The following UBL7 variants were observed in gnomAD, a reference collection of about 807,000 sequenced individuals.
UBL7 encodes ubiquitin like 7.
Under a neutral mutation model 41.7 loss-of-function variants are expected in UBL7, and 21 were observed. That is an observed-to-expected ratio of 0.50 (90% CI 0.36 to 0.73). The LOEUF (loss-of-function observed/expected upper bound fraction) is 0.73, where lower values mean the gene tolerates loss of function less well. UBL7 is among the 30% of genes least tolerant of loss of function. The probability of loss-of-function intolerance (pLI) is 0.00; values close to 1 mark genes in which losing one functional copy is unlikely to be tolerated. For synonymous variants in UBL7, 157 were observed against 186.9 expected (o/e 0.84, Z 1.31); for missense variants, 403 against 478.4 (o/e 0.84, Z 1.47).
At chr15:74,454,242 A>T (rs2061274596) in intron 3 of UBL7, among the ~76,000 whole-genome samples, 1 of 152,246 alleles carries the variant, frequency 6.6e-6, no homozygotes, top group African/African-American at 2.4e-5. Flanking sequence ...CCTGGCTCAC[A>T]GAAGCCACAA....
At chr15:74,451,164 G>A (rs1024524130) in intron 5 of UBL7, among the ~76,000 whole-genome samples, 8 of 152,234 alleles carry the variant, frequency 5.3e-5, no homozygotes, top group African/African-American at 1.4e-4. Flanking sequence ...TGTGCAGGAC[G>A]CCTTCCCTGA....
At chr15:74,460,734 G>A (rs1040962350) in intron 1 of UBL7, 7 of 1,288,790 alleles carry the variant, frequency 5.4e-6, no homozygotes, top group Non-Finnish European at 6.1e-6. Flanking sequence ...TGCAAAGCAA[G>A]ATAAGTTCTT....
chr15:74,449,867 T>G, intron 7 of UBL7, 69 bp downstream of exon 7: 2 of 1,562,660 alleles, frequency 1.3e-6, no homozygotes, highest in Non-Finnish European at 1.7e-6. Flanking sequence ...ACATAGCTGC[T>G]GAGTAAAGCA....
chr15:74,453,633 G>A (rs568641010), intron 3 of UBL7, among the ~76,000 whole-genome samples: 2 of 152,362 alleles, frequency 1.3e-5, no homozygotes, highest in Admixed American at 1.3e-4. Flanking sequence ...TGTGGCTGGA[G>A]CTTGGGGTAC....
At chr15:74,453,046 C>T (rs1239155971) in intron 3 of UBL7, among the ~76,000 whole-genome samples, 4 of 152,150 alleles carry the variant, frequency 2.6e-5, no homozygotes, top group East Asian at 3.9e-4. Context: ...GTTATCCTCA[C>T]GAAGGACCAC....
Position 74,451,491 on chromosome 15 carries a change from A to G in UBL7, c.417T>C (p.Ser139=). 1 of 1,614,154 alleles carries G rather than the reference A, an allele frequency of 6.2e-7. No homozygotes were observed. The highest frequency in any genetic ancestry group is 8.5e-7 in the Non-Finnish European group (1 of 1,180,034). ...GGGTGGCCACAATGATCTGATCCAG[A>G]GACTCCTTATTGCTGAGCATCTTAA... The part of the protein sequence containing the change: ...AVFKMLSNKE[S]LDQIIVATPG... The change falls in exon 5 of 11, where the codon TCT becomes TCC. Residue 139 remains serine (S), a synonymous_variant. Coordinates refer to ENST00000395081, the MANE Select transcript of UBL7 (RefSeq NM_032907.5).
chr15:74,459,033 A>T, intron 1 of UBL7, 137 bp from the exon 2 acceptor site: 2 of 765,856 alleles, frequency 2.6e-6, no homozygotes, highest in South Asian at 3.6e-5. Flanking sequence ...AGGAGGCCAG[A>T]ACTAGAATCT....
At chr15:74,448,046 A>G (rs2141309578) in intron 10 of UBL7, among the ~76,000 whole-genome samples, 1 of 152,248 alleles carries the variant, frequency 6.6e-6, no homozygotes, top group African/African-American at 2.4e-5. Flanking sequence ...GTTTTGTCTG[A>G]CCTAGGCCCT....
chr15:74,446,297 T>C lies in UBL7; in HGVS notation c.1006-70A>G. 1 of 1,579,736 alleles carries C rather than the reference T, an allele frequency of 6.3e-7. No homozygotes were observed. Among genetic ancestry groups the C allele is most frequent in the Middle Eastern group, 1.7e-4 (1 of 5,914 alleles). The stretch of plus-strand genomic sequence containing the variant: ...GTGAAGACTCACTTAGGTCTGTGCT[T>C]TCCGGGGAAGGAAAGGAAGATGGGG... On this transcript the variant is annotated intron_variant, in intron 10 of 10. Transcript: ENST00000395081. The surrounding 1 kb of genome is among the most constrained non-coding windows in gnomAD (Gnocchi z 4.1).
rs1214398107 is a variant in UBL7, at chr15:74,448,485, C to G, written c.998G>C (p.Ser333Thr). The G allele has an allele frequency of 3.1e-6, 5 of 1,613,798 alleles. No homozygotes were observed. The highest frequency in any genetic ancestry group is 3.4e-6 in the Non-Finnish European group (4 of 1,179,850). Residue 333 changes from serine to threonine, a missense_variant, in exon 10 of 11, where the codon AGC becomes ACC. Coordinates refer to ENST00000395081, the MANE Select transcript of UBL7 (RefSeq NM_032907.5). ...QHALQASGQP[S>T]LQSQWQPQLQ... is the part of the protein sequence containing the mutation. Reference sequence around the variant, plus strand: ...GACGTGGGGAAGACTGACCTGAAGGCTGGGCTGCCCAGAGGCCTGAAGGGC... The same window carrying G: ...GACGTGGGGAAGACTGACCTGAAGGGTGGGCTGCCCAGAGGCCTGAAGGGC...
intron 5 of UBL7, 137 bp downstream of exon 5, chr15:74,451,299 A>C (rs1341083813): frequency 1.2e-5 from 9 of 772,786 alleles, no homozygotes; most frequent in Non-Finnish European, 1.9e-5. Flanking sequence ...TATCAAACAC[A>C]CCTTGATTAC....
chr15:74,457,736 C>T (rs1338384603), intron 2 of UBL7, among the ~76,000 whole-genome samples: 1 of 37,650 alleles, frequency 2.7e-5, no homozygotes, highest in African/African-American at 9.7e-5. Flanking sequence ...GACTCCGTCT[C>T]AAAAAAAAAA....
In UBL7 at chr15:74,456,554, G is replaced by A. The variant is rs775044142; in HGVS notation, c.302C>T (p.Pro101Leu). The A allele has an allele frequency of 5.4e-5, 87 of 1,613,720 alleles. No individual in the cohort carries two copies. In the East Asian group the frequency reaches 1.3e-3, roughly 25 times the overall value. The change falls in exon 3 of 11, where the codon CCG (proline) becomes CTG (leucine). Residue 101 changes from proline (P) to leucine (L), a missense_variant and splice_region_variant. By Grantham distance (98) the Pro-to-Leu change is moderately conservative (BLOSUM62 -3). Coordinates refer to ENST00000395081, the MANE Select transcript of UBL7 (RefSeq NM_032907.5). ...CCTAAGGGCTGCCCCTCACTCACCC[G>A]GTTTCTGATCAGGTTCAGGCCAGGA... ...RKSWPEPDQK[P>L]EPVDKVAAMR...
intron 10 of UBL7, among the ~76,000 whole-genome samples, chr15:74,447,012 A>T (rs1178472979): frequency 6.6e-6 from 1 of 152,072 alleles, no homozygotes. Context: ...TGGAGGGCTT[A>T]AAAAAAATGC....
chr15:74,460,579 C>G (rs1330398519), intron 1 of UBL7: 1 of 720,756 alleles, frequency 1.4e-6, no homozygotes, highest in Non-Finnish European at 2.0e-6. Context: ...AAAAGGGCTA[C>G]AAATATCTGC....
chr15:74,459,301 ATTTTT>A (rs61137560), intron 1 of UBL7, among the ~76,000 whole-genome samples: 1 of 130,864 alleles, frequency 7.6e-6, no homozygotes, highest in Non-Finnish European at 1.7e-5. Flanking sequence ...AACACCCATC[ATTTTT>A]TTTTTTTTTT....
Position 74,449,314 on chromosome 15 carries a change from G to A in UBL7, c.754C>T (p.Arg252Cys). The A allele has an allele frequency of 1.2e-6, 2 of 1,614,076 alleles. No individual in the cohort carries two copies. The highest frequency in any genetic ancestry group is 1.7e-6 in the Non-Finnish European group (2 of 1,180,014). ...CCACTGTACCCCAGGGAGGCTGGGC[G>A]GGAGCTGGGAGTACTGCTAGAGGGT... ...STPSSSTPSS[R>C]PASLGYSGAA... Residue 252 changes from arginine to cysteine, a missense_variant, in exon 9 of 11, where the codon CGC (arginine) becomes TGC (cysteine). Coordinates refer to ENST00000395081, the MANE Select transcript of UBL7 (RefSeq NM_032907.5).
intron 3 of UBL7, among the ~76,000 whole-genome samples, chr15:74,453,116 G>C (rs1415422302): frequency 6.6e-6 from 1 of 152,288 alleles, no homozygotes; most frequent in East Asian, 1.9e-4. Flanking sequence ...CCAAAGCAAG[G>C]TGAATAGCAC....
At chr15:74,450,723 G>C (rs544875655) in intron 6 of UBL7, 79 bp downstream of exon 6, 1 of 1,503,004 alleles carries the variant, frequency 6.7e-7, no homozygotes, top group East Asian at 2.3e-5. Flanking sequence ...TCCCAGAGCA[G>C]ACTGCAGGGT....
Sources: gnomAD v4.1 joint callset for allele counts (sites outside exome capture counted in the v4.1 genomes callset) on GRCh38, gnomAD v4.1.1 for gene constraint, Gnocchi (gnomAD v3.1) non-coding constraint, MANE v1.5 for transcripts, NCBI Gene and HGNC (gene_info 2026-07-23, HGNC 2026-07-21) for gene names.